PAPPA: variants seen among roughly 807,000 people sequenced by gnomAD.
The protein encoded by PAPPA is pappalysin-1.
In PAPPA, 60 loss-of-function variants were observed where a neutral mutation model predicts 164.0. The ratio of observed to expected loss-of-function variants is 0.37; its 90% CI spans 0.30 to 0.45. The LOEUF (loss-of-function observed/expected upper bound fraction) is 0.45. Among genes scored for constraint, PAPPA ranks in the 20% least tolerant of loss-of-function variants. PAPPA has a pLI of 1.00. For missense variants in PAPPA, 1,782 were observed against 2,087.3 expected, an observed-to-expected ratio of 0.85 and a Z score of 2.85; for synonymous variants, 875 against 814.1, an observed-to-expected ratio of 1.07 and a Z score of -1.27.
chr9:116,160,416 T>A (rs1399812636), intron 1 of PAPPA, among the ~76,000 whole-genome samples: 1 of 152,182 alleles, frequency 6.6e-6, no homozygotes, highest in Non-Finnish European at 1.5e-5. Context: ...AGAAGCCTCT[T>A]TGAACAGGAA....
Position 116,176,965 on chromosome 9 carries a change from ACCC to A in PAPPA, c.416-10180_416-10178del, listed in dbSNP as rs3037574. On this transcript the variant is annotated intron_variant, in intron 1 of 21. Transcript: ENST00000328252. The stretch of plus-strand genomic sequence containing the variant: ...GATCTCTGGAGTACTGAGAGGAAAG[ACCC>A]CCCCCCCCAATATTTTTATTAGTGA... Among the ~76,000 whole-genome samples the A allele has an allele frequency of 7.4e-3, 960 of 129,996 alleles. 12 individuals carry two copies. The highest frequency in any genetic ancestry group is 0.025 in the African/African-American group (891 of 36,316). 85.3% of individuals were successfully genotyped at this position (129,996 alleles called of 152,430 possible).
chr9:116,331,489 C>T, intron 11 of PAPPA, 132 bp downstream of exon 11: 1 of 623,288 alleles, frequency 1.6e-6, no homozygotes, highest in Non-Finnish European at 2.9e-6. Context: ...GAACAAAACA[C>T]TTAGCAGTGT....
intron 13 of PAPPA, among the ~76,000 whole-genome samples, chr9:116,342,243 T>C (rs2118971857): frequency 1.3e-5 from 2 of 152,300 alleles, no homozygotes; most frequent in South Asian, 4.1e-4. Context: ...GCTTACACAA[T>C]GTGAACAGAT....
At chr9:116,389,865 A>C (rs569273877) in intron 21 of PAPPA, among the ~76,000 whole-genome samples, 1 of 151,542 alleles carries the variant, frequency 6.6e-6, no homozygotes, top group Non-Finnish European at 1.5e-5. Context: ...ACACACTATA[A>C]AATATATTTA....
intron 18 of PAPPA, among the ~76,000 whole-genome samples, chr9:116,365,866 C>A (rs974767821): frequency 3.9e-5 from 6 of 152,060 alleles, no homozygotes; most frequent in African/African-American, 1.4e-4. Flanking sequence ...TGTGTGGCTG[C>A]ACTGTTATCG....
chr9:116,233,210 C>T lies in PAPPA; in HGVS notation c.2234-1929C>T, dbSNP rs552543925. On this transcript the variant is annotated intron_variant, in intron 6 of 21. Transcript: ENST00000328252. ...TAAGCAAAAGCTACATGGCGTTGAG[C>T]GAAGCAGTGCTCTTTAATAGAGACA... 3.3e-5 allele frequency among the ~76,000 whole-genome samples: 5 copies of T among 152,314 alleles called. No homozygotes were observed. The South Asian group carries it at 8.3e-4, about 25-fold the overall frequency.
Position 116,154,125 on chromosome 9 carries a change from C to A in PAPPA, c.-48C>A. ...GCCGAGGCTCCCAAAGCTGGCAGCT[C>A]CGGGTGGCGGTGCAGGGGCGAAGGG... On this transcript the variant is annotated 5_prime_UTR_variant, in exon 1 of 22. Coordinates refer to ENST00000328252, the MANE Select transcript of PAPPA (RefSeq NM_002581.5). The surrounding 1 kb of genome is among the most constrained non-coding windows in gnomAD (Gnocchi z 5.2). The A allele has an allele frequency of 8.6e-7, 1 of 1,157,132 alleles. No homozygotes were observed. The highest frequency in any genetic ancestry group is 1.1e-6 in the Non-Finnish European group (1 of 912,036). The allele number at this position is 1,157,132 out of a possible 1,614,324, so 71.7% of individuals were successfully genotyped here. A position where few individuals can be genotyped will look rare whatever the true frequency, so the allele number is the denominator to read the frequency against.
intron 9 of PAPPA, among the ~76,000 whole-genome samples, chr9:116,289,415 A>G (rs1845407672): frequency 6.8e-6 from 1 of 147,756 alleles, no homozygotes; most frequent in Admixed American, 6.8e-5. Context: ...TATAGCATAT[A>G]TATAGCATAT....
intron 7 of PAPPA, among the ~76,000 whole-genome samples, chr9:116,239,561 T>C (rs1041768408): frequency 6.6e-6 from 1 of 152,202 alleles, no homozygotes; most frequent in African/African-American, 2.4e-5. Context: ...CTGTATGCCC[T>C]ACTGAAATGT....
intron 21 of PAPPA, among the ~76,000 whole-genome samples, chr9:116,395,597 G>A (rs1248436592): frequency 1.3e-5 from 2 of 152,210 alleles, no homozygotes; most frequent in Non-Finnish European, 2.9e-5. Flanking sequence ...TCTCCTGGAT[G>A]GGGAAGACAC....
At chr9:116,290,712 T>A (rs547789150) in intron 9 of PAPPA, among the ~76,000 whole-genome samples, 69 of 152,206 alleles carry the variant, frequency 4.5e-4, no homozygotes, top group Non-Finnish European at 4.1e-4. Flanking sequence ...CTCTTTTTTT[T>A]AATATGGAGA....
Position 116,187,611 on chromosome 9 carries a change from C to T in PAPPA, c.873C>T (p.Asp291=). 6.2e-7 allele frequency: 1 copy of T among 1,614,226 alleles called. No homozygotes were observed. Among genetic ancestry groups the T allele is most frequent in the Non-Finnish European group, 8.5e-7 (1 of 1,180,042 alleles). Residue 291 remains aspartate, a synonymous_variant, in exon 2 of 22, where the codon GAC becomes GAT. Coordinates refer to ENST00000328252, the MANE Select transcript of PAPPA (RefSeq NM_002581.5). This position sits in a 1 kb window ranked among gnomAD's most constrained non-coding sequence, Gnocchi z 4.2. ...AGCTCCTCCTCCAGGAGAACTGGGA[C>T]AATGTGAAGCATGCCTGGTCCCCCA... is the stretch of plus-strand genomic sequence containing the variant. ...LPQLLLQENW[D]NVKHAWSPMK... is the part of the protein sequence containing the mutation.
At chr9:116,235,764 C>A in intron 7 of PAPPA, 127 bp downstream of exon 7, 2 of 895,660 alleles carry the variant, frequency 2.2e-6, no homozygotes, top group South Asian at 1.5e-5. Flanking sequence ...GGATTGTAAC[C>A]CATCATTGGG....
intron 1 of PAPPA, among the ~76,000 whole-genome samples, chr9:116,163,827 T>G (rs1843694334): frequency 6.6e-6 from 1 of 152,104 alleles, no homozygotes; most frequent in African/African-American, 2.4e-5. Context: ...ACTGCTCCAT[T>G]GGTGGATACT....
chr9:116,155,604 A>G (rs941813035), intron 1 of PAPPA, among the ~76,000 whole-genome samples: 14 of 152,156 alleles, frequency 9.2e-5, no homozygotes, highest in African/African-American at 3.4e-4. Flanking sequence ...CCTTCACTGC[A>G]GCCAGGAAAC....
chr9:116,194,242 C>G (rs1844078028), intron 2 of PAPPA, among the ~76,000 whole-genome samples: 1 of 152,160 alleles, frequency 6.6e-6, no homozygotes, highest in Non-Finnish European at 1.5e-5. Flanking sequence ...CTCTGAGCCT[C>G]CAATTCCACA....
At chr9:116,208,897 T>C (rs1203832103) in intron 3 of PAPPA, among the ~76,000 whole-genome samples, 2 of 152,106 alleles carry the variant, frequency 1.3e-5, no homozygotes, top group African/African-American at 4.8e-5. Context: ...AAGATAAATA[T>C]CTACTTGTTC....
chr9:116,211,403 C>T (rs1418961557), intron 3 of PAPPA, among the ~76,000 whole-genome samples: 3 of 152,128 alleles, frequency 2.0e-5, no homozygotes, highest in African/African-American at 7.2e-5. Context: ...TAAGCATTGG[C>T]GTTTTCATAT....
chr9:116,270,072 T>C lies in PAPPA; in HGVS notation c.2862-1253T>C, dbSNP rs79546902. Among the ~76,000 whole-genome samples, 1,059 of 152,256 alleles carry C rather than the reference T, an allele frequency of 7.0e-3. 13 individuals carry two copies. The highest frequency in any genetic ancestry group is 0.025 in the African/African-American group (1,026 of 41,550). On this transcript the variant is annotated intron_variant, in intron 8 of 21. Transcript: ENST00000328252. ...GGTGAAAGGAAAAGTCTAAGGCCTC[T>C]TCCATGCTGTGACAGGTCCCAGCTG...
Sources: gnomAD v4.1 joint callset for allele counts (sites outside exome capture counted in the v4.1 genomes callset) on GRCh38, gnomAD v4.1.1 for gene constraint, Gnocchi (gnomAD v3.1) non-coding constraint, MANE v1.5 for transcripts, NCBI Gene and HGNC (gene_info 2026-07-23, HGNC 2026-07-21) for gene names.